Variants in CALHM4 observed in about 807,000 individuals in gnomAD.
CALHM4 encodes calcium homeostasis modulator family member 4.
Under a neutral mutation model 13.3 loss-of-function variants are expected in CALHM4, and 16 were observed. The ratio of observed to expected loss-of-function variants is 1.20; its 90% CI spans 0.81 to 1.82. CALHM4 has a LOEUF of 1.82. Among genes scored for constraint, CALHM4 ranks in the 40% most tolerant of loss-of-function variants. The probability of loss-of-function intolerance (pLI) is 0.00; values close to 1 mark genes in which losing one functional copy is unlikely to be tolerated. For synonymous variants in CALHM4, 127 were observed against 137.1 expected (o/e 0.93, Z 0.52); for missense variants, 344 against 374.9 (o/e 0.92, Z 0.68).
At chr6:116,549,027 G>A (rs529173083), upstream of CALHM4, among the ~76,000 whole-genome samples, 10 of 152,198 alleles carry the variant, frequency 6.6e-5, no homozygotes, top group Non-Finnish European at 1.5e-4. Flanking sequence ...GTTCACGTCT[G>A]TAATCCCAAC....
upstream of CALHM4, among the ~76,000 whole-genome samples, chr6:116,552,016 C>A (rs1774100681): frequency 6.6e-6 from 1 of 151,884 alleles, no homozygotes. Flanking sequence ...ATACTTGTGC[C>A]CATCATTATT....
At chr6:116,555,622 A>G (rs991102537) in intron 1 of CALHM4, among the ~76,000 whole-genome samples, 1 of 152,216 alleles carries the variant, frequency 6.6e-6, no homozygotes, top group African/African-American at 2.4e-5. Context: ...CAAAGCTCAA[A>G]AAGTTTATGT....
At chr6:116,552,730 TACAC>T (rs1473800051), upstream of CALHM4, among the ~76,000 whole-genome samples, 2 of 152,198 alleles carry the variant, frequency 1.3e-5, no homozygotes, top group Non-Finnish European at 2.9e-5. Flanking sequence ...ACTGGTTAAA[TACAC>T]ACAGAAAACA....
At chr6:116,556,719 GA>G (rs903342257) in intron 1 of CALHM4, among the ~76,000 whole-genome samples, 4 of 151,256 alleles carry the variant, frequency 2.6e-5, no homozygotes, top group Non-Finnish European at 5.9e-5. Flanking sequence ...AAAATGAAAA[GA>G]AAAAAAGGAT....
At chr6:116,531,809 C>T (rs973589839) in intron 1 of CALHM4, among the ~76,000 whole-genome samples, 1 of 151,330 alleles carries the variant, frequency 6.6e-6, no homozygotes, top group Non-Finnish European at 1.5e-5. Context: ...ACCTTCTACA[C>T]TCATATAATA....
chr6:116,554,366 T>C lies in CALHM4; in HGVS notation c.558+15T>C, dbSNP rs1774216339. On this transcript the variant is annotated intron_variant, in intron 1 of 1. Coordinates refer to ENST00000368596, the MANE Select transcript of CALHM4 (RefSeq NM_001366078.2). ...ACCAGTCACAGGTAAGTTTTTAGAA[T>C]TTTTTTCCCTCTGCTATGTTATCCT... 6.6e-7 allele frequency: 1 copy of C among 1,506,072 alleles called. No homozygotes were observed. The highest frequency in any genetic ancestry group is 8.9e-7 in the Non-Finnish European group (1 of 1,129,706). The allele number at this position is 1,506,072 out of a possible 1,614,324, so 93.3% of individuals were successfully genotyped here.
At chr6:116,551,935 T>C (rs1202635241), upstream of CALHM4, among the ~76,000 whole-genome samples, 1 of 152,250 alleles carries the variant, frequency 6.6e-6, no homozygotes, top group African/African-American at 2.4e-5. Context: ...ATTATAATAA[T>C]ATATAGCTTT....
chr6:116,556,939 C>CTTTTT (rs35964763), intron 1 of CALHM4, among the ~76,000 whole-genome samples: 3 of 119,494 alleles, frequency 2.5e-5, no homozygotes, highest in Non-Finnish European at 3.4e-5. Context: ...TATTTTTAAT[C>CTTTTT]TTTTTTTTTT....
intron 2 of CALHM4, among the ~76,000 whole-genome samples, chr6:116,546,582 C>A (rs1445365619): frequency 6.6e-6 from 1 of 152,194 alleles, no homozygotes; most frequent in Non-Finnish European, 1.5e-5. Flanking sequence ...GCAGCCCTAC[C>A]ATTTACTGGC....
chr6:116,546,010 T>C (rs956908671), intron 2 of CALHM4, among the ~76,000 whole-genome samples: 1 of 152,192 alleles, frequency 6.6e-6, no homozygotes, highest in South Asian at 2.1e-4. Context: ...AGGTAATAAA[T>C]CCTGAGTTAA....
chr6:116,544,311 A>C (rs1231318747), intron 2 of CALHM4, among the ~76,000 whole-genome samples: 1 of 152,102 alleles, frequency 6.6e-6, no homozygotes, highest in Non-Finnish European at 1.5e-5. Flanking sequence ...CCAAACTGAA[A>C]TAGTGGAATT....
At chr6:116,556,947 T>G (rs1774343862) in intron 1 of CALHM4, among the ~76,000 whole-genome samples, 2 of 148,420 alleles carry the variant, frequency 1.3e-5, no homozygotes, top group Non-Finnish European at 1.5e-5. Context: ...ATCTTTTTTT[T>G]TTTTTTTTTT....
Position 116,560,333 on chromosome 6 carries a change from C to T in CALHM4, c.*2122C>T, listed in dbSNP as rs766657987. On this transcript the variant is annotated 3_prime_UTR_variant, in exon 2 of 2. Coordinates refer to ENST00000368596, the MANE Select transcript of CALHM4 (RefSeq NM_001366078.2). ...AATCAAAGAATATTTGAAGTTATAG[C>T]ATTACATCATCAGAAAGAAGATTAA... Among the ~76,000 whole-genome samples, 2 of 152,294 alleles carry T rather than the reference C, an allele frequency of 1.3e-5. No individual in the cohort carries two copies. The highest frequency in any genetic ancestry group is 2.9e-5 in the Non-Finnish European group (2 of 68,000).
At chr6:116,541,688 T>C (rs896789765) in intron 1 of CALHM4, among the ~76,000 whole-genome samples, 1 of 152,220 alleles carries the variant, frequency 6.6e-6, no homozygotes, top group Admixed American at 6.5e-5. Flanking sequence ...ACAATCAAAA[T>C]GTCTACTTTA....
At position 116,561,016 on chromosome 6, in the gene CALHM4, G is replaced by C. The variant is rs1048095811; in HGVS notation, c.*2805G>C. ...TTTTCCAAAGCTGAATTGTAGAACC[G>C]CATTTATACTCTGTCCTTCTCTGTG... On this transcript the variant is annotated 3_prime_UTR_variant, in exon 2 of 2. Transcript: ENST00000368596. Among the ~76,000 whole-genome samples the C allele has an allele frequency of 6.6e-6, 1 of 152,150 alleles. No individual in the cohort carries two copies. Among genetic ancestry groups the C allele is most frequent in the Admixed American group, 6.5e-5 (1 of 15,284 alleles).
At chr6:116,543,386 A>G (rs1451102438) in intron 1 of CALHM4, 1 of 1,549,370 alleles carries the variant, frequency 6.5e-7, no homozygotes, top group Non-Finnish European at 8.7e-7. Flanking sequence ...AGGTAAGGAC[A>G]AAGAGATCTT....
chr6:116,554,401 C>A, intron 1 of CALHM4, 50 bp downstream of exon 1: 1 of 1,377,882 alleles, frequency 7.3e-7, no homozygotes, highest in Non-Finnish European at 9.6e-7. Context: ...TATAGAACTA[C>A]AGTCAATGGA....
chr6:116,553,768 G>A lies in CALHM4; in HGVS notation c.-26G>A, dbSNP rs1307456967. 6.5e-7 allele frequency: 1 copy of A among 1,537,376 alleles called. No individual in the cohort carries two copies. Among genetic ancestry groups the A allele is most frequent in the Non-Finnish European group, 8.8e-7 (1 of 1,139,326 alleles). On this transcript the variant is annotated 5_prime_UTR_variant, in exon 1 of 2. Transcript: ENST00000368596. ...GTCTAATGATCAGAAAGGGCCACAA[G>A]CTGATTTGTGTAACAGCTTCCCAAG...
At chr6:116,545,577 G>A in intron 2 of CALHM4, 4 of 1,431,988 alleles carry the variant, frequency 2.8e-6, no homozygotes, top group Non-Finnish European at 3.8e-6. Flanking sequence ...TCTTAGAGGT[G>A]TATCAGTCCA....
Sources: allele counts gnomAD v4.1 joint callset (sites outside exome capture counted in the v4.1 genomes callset), GRCh38; gene constraint gnomAD v4.1.1; transcripts MANE v1.5; gene names NCBI Gene and HGNC (gene_info 2026-07-23, HGNC 2026-07-21).